Variants in SOCS4 observed in about 807,000 individuals in gnomAD.
SOCS4 encodes the protein SH2 domain containing SOCS box protein.
SOCS4 carries 20 observed loss-of-function variants against 34.1 expected under a neutral mutation model. The observed-to-expected ratio is 0.59, with a 90% CI of 0.41 to 0.85. The LOEUF (loss-of-function observed/expected upper bound fraction) is 0.85, where lower values mean the gene tolerates loss of function less well. SOCS4 is among the 40% of genes least tolerant of loss of function. The pLI, the probability that SOCS4 is intolerant of heterozygous loss-of-function variation, is 0.00. For synonymous variants in SOCS4, 180 were observed against 186.4 expected (o/e 0.97, Z 0.28); for missense variants, 479 against 532.4 (o/e 0.90, Z 0.99).
In SOCS4 at chr14:55,037,048, CAG is replaced by C. The variant is rs1016307470; in HGVS notation, c.-91+5060_-91+5061del. Among the ~76,000 whole-genome samples the C allele has an allele frequency of 7.2e-5, 11 of 151,990 alleles. No individual in the cohort carries two copies. The South Asian group carries it at 1.2e-3, about 17-fold the overall frequency. On this transcript the variant is annotated intron_variant, in intron 2 of 2. Coordinates refer to ENST00000555846, the MANE Select transcript of SOCS4 (RefSeq NM_199421.2). ...GGAGGATCACTTGAGCCCTGGGAAA[CAG>C]AGGTTGCAGTGAGCTGAGATCAGTG... is the stretch of plus-strand genomic sequence containing the variant.
At position 55,043,030 on chromosome 14, in the gene SOCS4, T is replaced by C; in HGVS notation, c.-12T>C. ...AGTATTTATAACATTAGAATCTGGATAATTTGTTAACATGGCAGAAAATAA... is the reference window on the plus strand; with the variant it reads ...AGTATTTATAACATTAGAATCTGGACAATTTGTTAACATGGCAGAAAATAA... On this transcript the variant is annotated 5_prime_UTR_variant, in exon 3 of 3. Transcript: ENST00000555846. The C allele has an allele frequency of 6.3e-7, 1 of 1,591,638 alleles. No homozygotes were observed. Among genetic ancestry groups the C allele is most frequent in the Non-Finnish European group, 8.6e-7 (1 of 1,168,854 alleles).
In SOCS4 at chr14:55,033,720, T is replaced by C. The variant is rs573805366; in HGVS notation, c.-91+1729T>C. On this transcript the variant is annotated intron_variant, in intron 2 of 2. Coordinates refer to ENST00000555846, the MANE Select transcript of SOCS4 (RefSeq NM_199421.2). ...TTCAACAACTTATGTAAGTACTTTG[T>C]CTTGAGATAATTAGCAGACCTTGCA... Among the ~76,000 whole-genome samples the C allele has an allele frequency of 9.8e-4, 150 of 152,384 alleles. 1 individual carries two copies. The highest frequency in any genetic ancestry group is 3.5e-3 in the African/African-American group (146 of 41,600).
rs1451325825 is a variant in SOCS4, at chr14:55,042,044, T to A, written c.-90-908T>A. Among the ~76,000 whole-genome samples, 5 of 152,062 alleles carry A rather than the reference T, an allele frequency of 3.3e-5. No homozygotes were observed. The South Asian group carries it at 1.0e-3, about 32-fold the overall frequency. On this transcript the variant is annotated intron_variant, in intron 2 of 2. Transcript: ENST00000555846. Reference sequence around the variant, plus strand: ...AACTCCTGACCTCAGGTAATCCGCCTGCCTCAGCCTCTCAAAGTGCTAGTA... The same window carrying A: ...AACTCCTGACCTCAGGTAATCCGCCAGCCTCAGCCTCTCAAAGTGCTAGTA...
chr14:55,038,160 A>C (rs754236927), intron 2 of SOCS4, among the ~76,000 whole-genome samples: 26 of 152,194 alleles, frequency 1.7e-4, no homozygotes, highest in Non-Finnish European at 2.4e-4. Flanking sequence ...AAACCATCAG[A>C]TCTCAAGAGA....
intron 2 of SOCS4, among the ~76,000 whole-genome samples, chr14:55,037,544 A>T (rs1177926923): frequency 1.3e-5 from 2 of 150,944 alleles, no homozygotes; most frequent in Non-Finnish European, 2.9e-5. Flanking sequence ...CCCAGGCTGG[A>T]GTGCAGGGGT....
chr14:55,038,733 T>C (rs1261693620), intron 2 of SOCS4, among the ~76,000 whole-genome samples: 1 of 152,224 alleles, frequency 6.6e-6, no homozygotes, highest in East Asian at 1.9e-4. Context: ...CTGAGAAATC[T>C]ACCTGCTCTT....
intron 2 of SOCS4, among the ~76,000 whole-genome samples, chr14:55,040,889 A>G (rs2042612091): frequency 6.7e-6 from 1 of 149,386 alleles, no homozygotes; most frequent in Non-Finnish European, 1.5e-5. Flanking sequence ...TAATCACCAG[A>G]TGGTTTTTTT....
Position 55,046,414 on chromosome 14 carries a change from T to C in SOCS4, c.*2050T>C, listed in dbSNP as rs540645892. The C allele has an allele frequency of 6.0e-6, 1 of 167,118 alleles. No homozygotes were observed. Among genetic ancestry groups the C allele is most frequent in the Admixed American group, 6.5e-5 (1 of 15,310 alleles). The allele number at this position is 167,118 out of a possible 1,614,324, so 10.4% of individuals were successfully genotyped here. ...TATTTTTCTTTTAAAAATAACTTTT[T>C]ATCAGTACAGAAAAACCTAAGGGAT... On this transcript the variant is annotated 3_prime_UTR_variant, in exon 3 of 3. Transcript: ENST00000555846.
chr14:55,032,194 C>T (rs371242777), intron 2 of SOCS4, among the ~76,000 whole-genome samples: 24 of 152,178 alleles, frequency 1.6e-4, no homozygotes, highest in Middle Eastern at 3.4e-3. Context: ...GAATAATTAA[C>T]GTATGCAATA....
At chr14:55,033,074 G>A (rs1459791286) in intron 2 of SOCS4, among the ~76,000 whole-genome samples, 2 of 152,048 alleles carry the variant, frequency 1.3e-5, no homozygotes, top group African/African-American at 2.4e-5. Context: ...GAGCCACCGC[G>A]CCCGGCCCTA....
In SOCS4 at chr14:55,041,307, A is replaced by G. The variant is rs2042616011; in HGVS notation, c.-90-1645A>G. 2.6e-5 allele frequency among the ~76,000 whole-genome samples: 4 copies of G among 152,212 alleles called. No individual in the cohort carries two copies. In the South Asian group the frequency reaches 8.3e-4, roughly 31 times the overall value. On this transcript the variant is annotated intron_variant, in intron 2 of 2. Transcript: ENST00000555846. ...TCCCACTACTTTGAAAATGGATTCA[A>G]GTGTCTGTAGACATTTACTTGACTG... is the stretch of plus-strand genomic sequence containing the variant.
Position 55,043,748 on chromosome 14 carries a change from C to T in SOCS4, c.707C>T (p.Thr236Ile). 12 of 1,614,076 alleles carry T rather than the reference C, an allele frequency of 7.4e-6. No individual in the cohort carries two copies. The highest frequency in any genetic ancestry group is 1.0e-5 in the Non-Finnish European group (12 of 1,180,006). ...ATGGATTCCGATGATGAAATTCTAA[C>T]ACTTTGCACAAGTTCCAGAAAAAGA... ...SDMDSDDEIL[T>I]LCTSSRKRNK... Residue 236 changes from threonine (T) to isoleucine (I), a missense_variant, in exon 3 of 3, where the codon ACA becomes ATA. Thr to Ile is a moderately conservative substitution (Grantham distance 89). Transcript: ENST00000555846.
In SOCS4 at chr14:55,035,156, C is replaced by T. The variant is rs924250347; in HGVS notation, c.-91+3165C>T. Among the ~76,000 whole-genome samples, 3 of 152,278 alleles carry T rather than the reference C, an allele frequency of 2.0e-5. No individual in the cohort carries two copies. The East Asian group carries it at 5.8e-4, about 29-fold the overall frequency. On this transcript the variant is annotated intron_variant, in intron 2 of 2. Coordinates refer to ENST00000555846, the MANE Select transcript of SOCS4 (RefSeq NM_199421.2). ...GATTACAGACATGAGCCACCGTGCC[C>T]GGCCTGCATTAGCTCTTTAAGTACA... is the stretch of plus-strand genomic sequence containing the variant.
Position 55,044,036 on chromosome 14 carries a change from A to G in SOCS4, c.995A>G (p.His332Arg), listed in dbSNP as rs778831297. The G allele has an allele frequency of 1.2e-6, 2 of 1,614,036 alleles. No homozygotes were observed. Among genetic ancestry groups the G allele is most frequent in the Non-Finnish European group, 1.7e-6 (2 of 1,180,014 alleles). ...TTTAGACGCTATAGTCGTTCTCTTC[A>G]TGCTAGAATTGAACAGTGGAATCAC... ...VSFRRYSRSL[H>R]ARIEQWNHNF... Residue 332 changes from histidine (H) to arginine (R), a missense_variant, in exon 3 of 3, where the codon CAT becomes CGT. By Grantham distance (29) the His-to-Arg change is conservative. Transcript: ENST00000555846.
chr14:55,041,203 A>G (rs1248402570), intron 2 of SOCS4, among the ~76,000 whole-genome samples: 1 of 152,130 alleles, frequency 6.6e-6, no homozygotes, highest in Non-Finnish European at 1.5e-5. Flanking sequence ...GGAGTTCTTT[A>G]TATGGCAAGT....
intron 2 of SOCS4, among the ~76,000 whole-genome samples, chr14:55,037,345 A>G (rs2042581844): frequency 4.6e-5 from 7 of 151,352 alleles, no homozygotes; most frequent in Admixed American, 3.3e-4. Flanking sequence ...GGGTTTCACC[A>G]TCTTGGCCAG....
chr14:55,039,369 T>A (rs1279252586), intron 2 of SOCS4, among the ~76,000 whole-genome samples: 1 of 151,892 alleles, frequency 6.6e-6, no homozygotes, highest in East Asian at 1.9e-4. Flanking sequence ...GCCTGGGAGG[T>A]CGAGGCTGCA....
In SOCS4 at chr14:55,046,163, C is replaced by G. The variant is rs767294024; in HGVS notation, c.*1799C>G. ...ACCAATGTCAGGATAAATATCTCTT[C>G]TAAAGACGATATTTACCTTTTACAA... On this transcript the variant is annotated 3_prime_UTR_variant, in exon 3 of 3. Transcript: ENST00000555846. 7.2e-5 allele frequency: 12 copies of G among 166,630 alleles called. No individual in the cohort carries two copies. The highest frequency in any genetic ancestry group is 1.5e-4 in the Non-Finnish European group (10 of 67,978). The allele number at this position is 166,630 out of a possible 1,614,324, so 10.3% of individuals were successfully genotyped here.
chr14:55,043,223 C>A lies in SOCS4; in HGVS notation c.182C>A (p.Ser61Tyr), dbSNP rs200065029. The change falls in exon 3 of 3, where the codon TCT becomes TAT. Residue 61 changes from serine (S) to tyrosine (Y), a missense_variant. Physicochemically the swap from Ser to Tyr is moderately radical, Grantham distance 144. Coordinates refer to ENST00000555846, the MANE Select transcript of SOCS4 (RefSeq NM_199421.2). The part of the protein sequence containing the change: ...TVNGIEKTEV[S>Y]LRNQERKHSC... ...AATGGTATAGAGAAAACCGAAGTGTCTTTAAGGAACCAAGAAAGGAAGCAC... is the reference window on the plus strand; with the variant it reads ...AATGGTATAGAGAAAACCGAAGTGTATTTAAGGAACCAAGAAAGGAAGCAC... 1.5e-4 allele frequency: 236 copies of A among 1,614,082 alleles called. No homozygotes were observed. Among genetic ancestry groups the A allele is most frequent in the Non-Finnish European group, 2.0e-4 (232 of 1,180,058 alleles).
Sources: allele counts gnomAD v4.1 joint callset (sites outside exome capture counted in the v4.1 genomes callset), GRCh38; gene constraint gnomAD v4.1.1; transcripts MANE v1.5; gene names NCBI Gene and HGNC (gene_info 2026-07-23, HGNC 2026-07-21).